Variants in IRAK3 observed in about 807,000 individuals in gnomAD.
IRAK3 encodes the protein interleukin 1 receptor associated kinase 3.
Under a neutral mutation model 56.6 loss-of-function variants are expected in IRAK3, and 57 were observed. The ratio of observed to expected loss-of-function variants is 1.01; its 90% CI spans 0.81 to 1.26. IRAK3 has a LOEUF of 1.26. Among genes scored for constraint, IRAK3 ranks in the 50% most tolerant of loss-of-function variants. IRAK3 has a pLI of 0.00. For missense variants in IRAK3, 703 were observed against 719.0 expected (o/e 0.98, Z 0.25); for synonymous variants, 258 against 255.7 (o/e 1.01, Z -0.09).
intron 8 of IRAK3, chr12:66,234,774 G>A (rs2052885109): frequency 3.8e-6 from 6 of 1,595,060 alleles, no homozygotes; most frequent in Non-Finnish European, 5.2e-6. Context: ...CTGGCATCAC[G>A]TAGTATCCTT....
intron 2 of IRAK3, 58 bp downstream of exon 2, chr12:66,203,951 A>C (rs2052533907): frequency 1.4e-6 from 2 of 1,405,662 alleles, no homozygotes. Context: ...GTAATTTGTA[A>C]ATTCGAATAT....
At chr12:66,199,610 G>A (rs2052487713) in intron 1 of IRAK3, among the ~76,000 whole-genome samples, 2 of 152,160 alleles carry the variant, frequency 1.3e-5, no homozygotes, top group African/African-American at 2.4e-5. Flanking sequence ...AGCCTTCCCT[G>A]CTGTTCTCAT....
intron 5 of IRAK3, among the ~76,000 whole-genome samples, chr12:66,214,395 G>C (rs2052644830): frequency 6.6e-6 from 1 of 151,824 alleles, no homozygotes; most frequent in Non-Finnish European, 1.5e-5. Context: ...AAAAAAAATA[G>C]CTGGGTGTGG....
intron 1 of IRAK3, among the ~76,000 whole-genome samples, chr12:66,190,836 A>G (rs2052392119): frequency 6.6e-6 from 1 of 152,164 alleles, no homozygotes; most frequent in South Asian, 2.1e-4. Flanking sequence ...TCTGGATCCA[A>G]GGCTTATGTC....
intron 5 of IRAK3, among the ~76,000 whole-genome samples, chr12:66,212,523 TG>T (rs1428630102): frequency 1.3e-5 from 2 of 152,198 alleles, no homozygotes; most frequent in Non-Finnish European, 2.9e-5. Flanking sequence ...TTATATGGAC[TG>T]GGTGCTGAGC....
At chr12:66,221,495 G>GT (rs1176289582) in intron 6 of IRAK3, among the ~76,000 whole-genome samples, 2 of 152,122 alleles carry the variant, frequency 1.3e-5, no homozygotes, top group Non-Finnish European at 2.9e-5. Flanking sequence ...TTAGCTGTGG[G>GT]TTTGTCATAT....
At chr12:66,198,255 A>G in intron 1 of IRAK3, 1 of 213,016 alleles carries the variant, frequency 4.7e-6, no homozygotes, top group Non-Finnish European at 8.1e-6. Context: ...CAGCAAAAAT[A>G]TATTGAACGT....
intron 1 of IRAK3, among the ~76,000 whole-genome samples, chr12:66,199,746 GT>G (rs1181741712): frequency 6.6e-6 from 1 of 151,422 alleles, no homozygotes; most frequent in African/African-American, 2.4e-5. Context: ...TCTCTTAAGA[GT>G]TTTTAGAAAT....
At chr12:66,225,545 T>C (rs1401447639) in intron 6 of IRAK3, among the ~76,000 whole-genome samples, 1 of 152,092 alleles carries the variant, frequency 6.6e-6, no homozygotes, top group Non-Finnish European at 1.5e-5. Flanking sequence ...AAATAGAATC[T>C]TTTTTACAGA....
chr12:66,245,376 C>A, intron 11 of IRAK3, 114 bp downstream of exon 11: 1 of 1,112,582 alleles, frequency 9.0e-7, no homozygotes, highest in Non-Finnish European at 1.3e-6. Flanking sequence ...ATCCAGCCTC[C>A]AACAGAGAAT....
At chr12:66,237,781 A>C (rs1202722757) in intron 8 of IRAK3, among the ~76,000 whole-genome samples, 3 of 152,120 alleles carry the variant, frequency 2.0e-5, no homozygotes, top group Non-Finnish European at 4.4e-5. Flanking sequence ...TTCTGAACTA[A>C]ATTTTTGATG....
At chr12:66,233,988 A>G (rs967060307) in intron 8 of IRAK3, 6 of 1,458,832 alleles carry the variant, frequency 4.1e-6, no homozygotes, top group Admixed American at 2.0e-5. Context: ...ATAATTTCCT[A>G]AAGCACAATT....
At position 66,250,267 on chromosome 12, in the gene IRAK3, A is replaced by G. The variant is rs1359153826; in HGVS notation, c.*2096A>G. ...CTCTAGTTTCTTGTCCAGCAGAGGA[A>G]TAGGCTCATGTCTTTTGTTTTATTT... is the stretch of plus-strand genomic sequence containing the variant. On this transcript the variant is annotated 3_prime_UTR_variant, in exon 12 of 12. Coordinates refer to ENST00000261233, the MANE Select transcript of IRAK3 (RefSeq NM_007199.3). 1 of 152,216 alleles carries G rather than the reference A, an allele frequency of 6.6e-6. No individual in the cohort carries two copies. Among genetic ancestry groups the G allele is most frequent in the African/African-American group, 2.4e-5 (1 of 41,456 alleles). The allele number at this position is 152,216 out of a possible 1,614,324, so 9.4% of individuals were successfully genotyped here.
rs1058222 is a variant in IRAK3, at chr12:66,253,823, T to G, written c.*5652T>G. 6.6e-6 allele frequency: 1 copy of G among 151,860 alleles called. No individual in the cohort carries two copies. Among genetic ancestry groups the G allele is most frequent in the East Asian group, 1.9e-4 (1 of 5,196 alleles). The allele number at this position is 151,860 out of a possible 1,614,324, so 9.4% of individuals were successfully genotyped here. On this transcript the variant is annotated 3_prime_UTR_variant, in exon 12 of 12. Transcript: ENST00000261233. ...TTCCATTTCCTTGATCTATTAGATTTAAAAAAATGAAGCATAAAGGAGTTG... is the reference window on the plus strand; with the variant it reads ...TTCCATTTCCTTGATCTATTAGATTGAAAAAAATGAAGCATAAAGGAGTTG...
At position 66,254,256 on chromosome 12, in the gene IRAK3, A is replaced by G. The variant is rs1454942069; in HGVS notation, c.*6085A>G. On this transcript the variant is annotated 3_prime_UTR_variant, in exon 12 of 12. Coordinates refer to ENST00000261233, the MANE Select transcript of IRAK3 (RefSeq NM_007199.3). ...AAAGGTATATTTCATGATGTTTATG[A>G]TATTAAAACATTGGAAACAACTGAA... 6.6e-6 allele frequency: 1 copy of G among 152,214 alleles called. No homozygotes were observed. The allele number at this position is 152,214 out of a possible 1,614,324, so 9.4% of individuals were successfully genotyped here.
Position 66,189,649 on chromosome 12 carries a change from A to G in IRAK3, c.133+217A>G, listed in dbSNP as rs114991757. Among the ~76,000 whole-genome samples the G allele has an allele frequency of 1.1e-3, 174 of 152,274 alleles. 3 individuals are homozygous for G. The highest frequency in any genetic ancestry group is 4.1e-3 in the African/African-American group (170 of 41,576). On this transcript the variant is annotated intron_variant, in intron 1 of 11. Transcript: ENST00000261233. Reference sequence around the variant, plus strand: ...CCTTCTCTTTCAAAGAATTTTGGGTATCGCTGCAAAGTCAAGGGAGCCGAG... The same window carrying G: ...CCTTCTCTTTCAAAGAATTTTGGGTGTCGCTGCAAAGTCAAGGGAGCCGAG...
At chr12:66,211,389 T>C in intron 4 of IRAK3, 57 bp from the exon 5 acceptor site, 2 of 1,340,726 alleles carry the variant, frequency 1.5e-6, no homozygotes, top group South Asian at 2.4e-5. Flanking sequence ...AAATTTTGGT[T>C]ATAATGGTGA....
chr12:66,204,006 C>G, intron 2 of IRAK3, 113 bp downstream of exon 2: 1 of 970,488 alleles, frequency 1.0e-6, no homozygotes, highest in Non-Finnish European at 1.6e-6. Context: ...GTCAGTGTTT[C>G]CTTACCTGTG....
At position 66,236,414 on chromosome 12, in the gene IRAK3, A is replaced by G. The variant is rs571467189; in HGVS notation, c.887+8044A>G. On this transcript the variant is annotated intron_variant, in intron 8 of 11. Coordinates refer to ENST00000261233, the MANE Select transcript of IRAK3 (RefSeq NM_007199.3). ...AAATACCAAAAAAAAAAAAAAAAAAAAAAATTAACCAGGCATAGTGGCTTG... is the reference window on the plus strand; with the variant it reads ...AAATACCAAAAAAAAAAAAAAAAAAGAAAATTAACCAGGCATAGTGGCTTG... 4.6e-5 allele frequency among the ~76,000 whole-genome samples: 7 copies of G among 151,872 alleles called. No homozygotes were observed. The South Asian group carries it at 8.3e-4, about 18-fold the overall frequency.
Sources: allele counts gnomAD v4.1 joint callset (sites outside exome capture counted in the v4.1 genomes callset), GRCh38; gene constraint gnomAD v4.1.1; transcripts MANE v1.5; gene names NCBI Gene and HGNC (gene_info 2026-07-23, HGNC 2026-07-21).